PKNOX2: variants seen among roughly 807,000 people sequenced by gnomAD.
The protein encoded by PKNOX2 is PBX/knotted 1 homeobox 2.
Under a neutral mutation model 53.1 loss-of-function variants are expected in PKNOX2, and 14 were observed. That is an observed-to-expected ratio of 0.26 (90% CI 0.17 to 0.41). The LOEUF (loss-of-function observed/expected upper bound fraction) is 0.41, where lower values mean the gene tolerates loss of function less well. Ranked by LOEUF, PKNOX2 falls within the 10% of genes least tolerant of loss-of-function variation. PKNOX2 has a pLI of 1.00. For missense variants in PKNOX2, 496 were observed against 602.8 expected (o/e 0.82, Z 1.85); for synonymous variants, 257 against 242.8 (o/e 1.06, Z -0.54).
At chr11:125,206,742 A>G (rs1378026288) in intron 1 of PKNOX2, among the ~76,000 whole-genome samples, 2 of 152,100 alleles carry the variant, frequency 1.3e-5, no homozygotes, top group East Asian at 1.9e-4. Context: ...AATCAGCATA[A>G]CAAGCTAACA....
rs1234474723 is a variant in PKNOX2, at chr11:125,230,055, G to A, written c.-200-4990G>A. On this transcript the variant is annotated intron_variant, in intron 1 of 12. Coordinates refer to ENST00000298282, the MANE Select transcript of PKNOX2 (RefSeq NM_001382323.2). ...ACTGACAGGTCCAGGCCCAAGAGTC[G>A]AGGCTTGGCCTGGGCAGGGCCTGAG... is the stretch of plus-strand genomic sequence containing the variant. 2.0e-5 allele frequency among the ~76,000 whole-genome samples: 3 copies of A among 152,328 alleles called. No individual in the cohort carries two copies. The East Asian group carries it at 5.8e-4, about 29-fold the overall frequency.
chr11:125,287,020 C>G (rs930239591), intron 2 of PKNOX2, among the ~76,000 whole-genome samples: 13 of 152,200 alleles, frequency 8.5e-5, no homozygotes, highest in African/African-American at 3.1e-4. Context: ...CTTCTGAGGT[C>G]TCTGATGCCT....
At chr11:125,326,111 A>G (rs966213130) in intron 2 of PKNOX2, among the ~76,000 whole-genome samples, 1 of 152,234 alleles carries the variant, frequency 6.6e-6, no homozygotes. Flanking sequence ...GGAAGGAATA[A>G]GAGAAATATG....
rs534550595 is a variant in PKNOX2 at position 125,431,496 on chromosome 11, T to C, written c.*104T>C. On this transcript the variant is annotated 3_prime_UTR_variant, in exon 13 of 13. Transcript: ENST00000298282. The stretch of plus-strand genomic sequence containing the variant: ...ACATGGGCAGGAAGCACCGAGGGAG[T>C]TGGGCCCTAGCTTCCCCAAATCAGT... 8.5e-4 allele frequency: 938 copies of C among 1,104,318 alleles called. 1 individual carries two copies. The highest frequency in any genetic ancestry group is 9.8e-4 in the Non-Finnish European group (795 of 813,300). 68.4% of individuals were successfully genotyped at this position (1,104,318 alleles called of 1,614,324 possible).
At chr11:125,263,494 T>C (rs1164388147) in intron 2 of PKNOX2, among the ~76,000 whole-genome samples, 1 of 152,094 alleles carries the variant, frequency 6.6e-6, no homozygotes, top group African/African-American at 2.4e-5. Flanking sequence ...GTGCTAAACC[T>C]CTCCGGGGTC....
intron 1 of PKNOX2, among the ~76,000 whole-genome samples, chr11:125,189,096 T>A (rs969929560): frequency 1.3e-5 from 2 of 151,750 alleles, no homozygotes; most frequent in Admixed American, 6.6e-5. Context: ...TATTTTGGGG[T>A]TGACTTTCCT....
chr11:125,243,126 T>G (rs1943285212), intron 2 of PKNOX2, among the ~76,000 whole-genome samples: 1 of 152,224 alleles, frequency 6.6e-6, no homozygotes, highest in Admixed American at 6.5e-5. Context: ...AAGAGGTTAT[T>G]ACTATAATGG....
chr11:125,414,540 C>G (rs560864747), intron 10 of PKNOX2, among the ~76,000 whole-genome samples: 142 of 152,296 alleles, frequency 9.3e-4, no homozygotes, highest in African/African-American at 3.3e-3. Flanking sequence ...GCAGACCCAG[C>G]TGTCCTTGGC....
chr11:125,349,334 G>C (rs1343020044), intron 3 of PKNOX2, among the ~76,000 whole-genome samples: 1 of 151,736 alleles, frequency 6.6e-6, no homozygotes, highest in Admixed American at 6.6e-5. Context: ...CAGAGGCCTT[G>C]GTTCCCCTGC....
At chr11:125,289,784 T>TA (rs113053666) in intron 2 of PKNOX2, among the ~76,000 whole-genome samples, 53 of 150,086 alleles carry the variant, frequency 3.5e-4, no homozygotes, top group African/African-American at 6.1e-4. Flanking sequence ...ATCACTGTTC[T>TA]AAAAAAAAAA....
intron 1 of PKNOX2, among the ~76,000 whole-genome samples, chr11:125,215,569 C>T (rs568340248): frequency 3.9e-5 from 6 of 151,942 alleles, no homozygotes; most frequent in South Asian, 2.1e-4. Flanking sequence ...CTGACCAACA[C>T]GGCGAAACCC....
chr11:125,351,145 G>T, intron 3 of PKNOX2, 139 bp from the exon 4 acceptor site: 1 of 678,096 alleles, frequency 1.5e-6, no homozygotes, highest in South Asian at 1.6e-5. Flanking sequence ...GCTCTCATTT[G>T]TTGCCCTGAA....
intron 10 of PKNOX2, among the ~76,000 whole-genome samples, chr11:125,424,979 C>G (rs1295483523): frequency 1.3e-5 from 2 of 152,148 alleles, no homozygotes; most frequent in African/African-American, 4.8e-5. Context: ...TTCAGCGGAA[C>G]TTCCTGGTGG....
chr11:125,387,093 A>G (rs925372522), intron 6 of PKNOX2, among the ~76,000 whole-genome samples: 4 of 152,148 alleles, frequency 2.6e-5, no homozygotes, highest in African/African-American at 9.7e-5. Flanking sequence ...CTCAGGTCCC[A>G]TGGGAAAGCT....
chr11:125,420,523 CT>C (rs1337340562), intron 10 of PKNOX2, among the ~76,000 whole-genome samples: 1 of 123,330 alleles, frequency 8.1e-6, no homozygotes, highest in African/African-American at 2.9e-5. Context: ...AAGACTCCAT[CT>C]CAAAAAAAAA....
intron 2 of PKNOX2, among the ~76,000 whole-genome samples, chr11:125,278,070 T>C (rs960632445): frequency 6.6e-6 from 1 of 151,944 alleles, no homozygotes; most frequent in Non-Finnish European, 1.5e-5. Context: ...ACAAAAAAAA[T>C]TAGCCAGGTG....
At chr11:125,398,154 A>G in intron 7 of PKNOX2, 92 bp downstream of exon 7, 3 of 1,322,994 alleles carry the variant, frequency 2.3e-6, no homozygotes, top group Non-Finnish European at 3.1e-6. Flanking sequence ...GGTGACCTTC[A>G]CTGGGTTAGA....
chr11:125,381,982 A>G (rs112486287), intron 5 of PKNOX2, among the ~76,000 whole-genome samples: 11 of 152,122 alleles, frequency 7.2e-5, no homozygotes, highest in African/African-American at 1.4e-4. Context: ...AGAGGAGATC[A>G]CCCTCCTCTC....
At chr11:125,393,661 A>G (rs1954216360) in intron 6 of PKNOX2, among the ~76,000 whole-genome samples, 2 of 152,260 alleles carry the variant, frequency 1.3e-5, no homozygotes, top group South Asian at 4.2e-4. Context: ...ATGGAGAAGC[A>G]GGCACCTGTG....
Sources: gnomAD v4.1 joint callset for allele counts (sites outside exome capture counted in the v4.1 genomes callset) on GRCh38, gnomAD v4.1.1 for gene constraint, MANE v1.5 for transcripts, NCBI Gene and HGNC (gene_info 2026-07-23, HGNC 2026-07-21) for gene names.